DYNC2LI1: variants seen among roughly 807,000 people sequenced by gnomAD.
The protein encoded by DYNC2LI1 is dynein cytoplasmic 2 light intermediate chain 1.
Under a neutral mutation model 51.9 loss-of-function variants are expected in DYNC2LI1, and 45 were observed. The observed-to-expected ratio is 0.87, with a 90% CI of 0.68 to 1.11. DYNC2LI1 has a LOEUF of 1.11. Among genes scored for constraint, DYNC2LI1 ranks in the 50% most tolerant of loss-of-function variants. The pLI, the probability that DYNC2LI1 is intolerant of heterozygous loss-of-function variation, is 0.00. For synonymous variants in DYNC2LI1, 130 were observed against 137.8 expected, an observed-to-expected ratio of 0.94 and a Z score of 0.40; for missense variants, 490 against 417.4, an observed-to-expected ratio of 1.17 and a Z score of -1.51.
At position 43,795,283 on chromosome 2, in the gene DYNC2LI1, A is replaced by T. The variant is rs1021923682; in HGVS notation, c.508-607A>T. ...CACTTTGGGTGGCCGAGGCGGGCGG[A>T]TCACGACGTCAAGAGATCAAGACCA... is the stretch of plus-strand genomic sequence containing the variant. On this transcript the variant is annotated intron_variant, in intron 6 of 12. Transcript: ENST00000260605. 8 of 689,286 alleles carry T rather than the reference A, an allele frequency of 1.2e-5. No homozygotes were observed. The Admixed American group carries it at 4.9e-4, about 43-fold the overall frequency. 42.7% of individuals were successfully genotyped at this position (689,286 alleles called of 1,614,324 possible).
Position 43,787,230 on chromosome 2 carries a change from A to C in DYNC2LI1, c.211A>C (p.Arg71=), listed in dbSNP as rs1673566792. 1.2e-6 allele frequency: 2 copies of C among 1,613,256 alleles called. No individual in the cohort carries two copies. The highest frequency in any genetic ancestry group is 2.2e-5 in the South Asian group (2 of 91,034). Residue 71 remains arginine (R), a synonymous_variant, in exon 4 of 13, where the codon AGA becomes CGA. Transcript: ENST00000260605. ...TLALEYTYGR[R]AKGHNTPKDI... ...AGCTTTGGAATATACATATGGAAGA[A>C]GAGCAAAAGGGCACAACACAGTAAG...
At chr2:43,807,250 C>G (rs901389543) in intron 12 of DYNC2LI1, among the ~76,000 whole-genome samples, 5 of 152,116 alleles carry the variant, frequency 3.3e-5, no homozygotes, top group Non-Finnish European at 5.9e-5. Flanking sequence ...TTCCTGCAGA[C>G]TTAGGGTCTT....
At chr2:43,825,523 C>T in the DYNC2LI1 span, among the ~76,000 whole-genome samples, 1 of 152,160 alleles carries the variant, frequency 6.6e-6, no homozygotes, top group African/African-American at 2.4e-5. Context: ...CCTTTGAAGC[C>T]AACTTGGCTG....
At chr2:43,822,637 A>G in the DYNC2LI1 span, 1 of 983,648 alleles carries the variant, frequency 1.0e-6, no homozygotes, top group South Asian at 4.7e-5. Flanking sequence ...TTACAATAAA[A>G]TTAATGTCCT....
At chr2:43,817,898 C>T in the DYNC2LI1 span, among the ~76,000 whole-genome samples, 2 of 151,292 alleles carry the variant, frequency 1.3e-5, no homozygotes, top group East Asian at 2.0e-4. Flanking sequence ...TGACAGAGCG[C>T]GATTCCCTCT....
At chr2:43,810,080 AGT>A, downstream of DYNC2LI1, 1 of 603,918 alleles carries the variant, frequency 1.7e-6, no homozygotes, top group Non-Finnish European at 2.1e-6. Flanking sequence ...GGAATATAAA[AGT>A]AAGAGTATTT....
chr2:43,822,990 G>T, the DYNC2LI1 span: 1 of 1,604,256 alleles, frequency 6.2e-7, no homozygotes, highest in East Asian at 2.3e-5. Flanking sequence ...CTGAAAAAGG[G>T]AGGGCTAGCC....
At chr2:43,818,828 G>T in the DYNC2LI1 span, among the ~76,000 whole-genome samples, 1 of 151,998 alleles carries the variant, frequency 6.6e-6, no homozygotes, top group Non-Finnish European at 1.5e-5. Flanking sequence ...GATTATTTCC[G>T]TTCCTTCTCA....
chr2:43,801,336 T>G (rs2104708763), intron 9 of DYNC2LI1: 1 of 192,324 alleles, frequency 5.2e-6, no homozygotes, highest in Middle Eastern at 2.0e-3. Context: ...TACTATCACT[T>G]TCTTTTACTG....
At chr2:43,824,825 C>T in the DYNC2LI1 span, 3 of 1,595,396 alleles carry the variant, frequency 1.9e-6, no homozygotes, top group African/African-American at 2.7e-5. Context: ...GTCATCCAGG[C>T]AGAAGTCTGA....
chr2:43,824,988 C>G, the DYNC2LI1 span: 2 of 1,613,828 alleles, frequency 1.2e-6, no homozygotes, highest in Non-Finnish European at 1.7e-6. Context: ...ATCAGCTCTC[C>G]GAAGCTCAGG....
At chr2:43,828,088 G>A in the DYNC2LI1 span, 1 of 1,614,048 alleles carries the variant, frequency 6.2e-7, no homozygotes, top group Non-Finnish European at 8.5e-7. Flanking sequence ...ACATGGCTCA[G>A]ACTCAGCTCT....
chr2:43,799,729 C>T (rs989990447), intron 8 of DYNC2LI1, among the ~76,000 whole-genome samples: 1 of 152,136 alleles, frequency 6.6e-6, no homozygotes, highest in Non-Finnish European at 1.5e-5. Flanking sequence ...GTTCTCCCAG[C>T]CCTATCTTCT....
At chr2:43,814,669 T>A (rs575127146), downstream of DYNC2LI1, 40 of 833,280 alleles carry the variant, frequency 4.8e-5, no homozygotes, top group Non-Finnish European at 7.7e-5. Context: ...GCAATCCTTA[T>A]ATTTTCCAAC....
At position 43,775,539 on chromosome 2, in the gene DYNC2LI1, C is replaced by T. The variant is rs114009637; in HGVS notation, c.9-1243C>T. Among the ~76,000 whole-genome samples, 1,021 of 151,334 alleles carry T rather than the reference C, an allele frequency of 6.7e-3. 11 individuals carry two copies. Among genetic ancestry groups the T allele is most frequent in the African/African-American group, 0.023 (966 of 41,264 alleles). On this transcript the variant is annotated intron_variant, in intron 1 of 12. Coordinates refer to ENST00000260605, the MANE Select transcript of DYNC2LI1 (RefSeq NM_016008.4). The stretch of plus-strand genomic sequence containing the variant: ...GGGGAGACAAGGTCTTGCTGTGTCA[C>T]CCAGGCTGGAGTGCAGTGATGTCAA...
intron 12 of DYNC2LI1, among the ~76,000 whole-genome samples, chr2:43,808,574 A>G (rs1282192866): frequency 2.0e-5 from 3 of 152,176 alleles, no homozygotes; most frequent in South Asian, 2.1e-4. Flanking sequence ...TCCCTTTTAC[A>G]TGTCAGTTGC....
intron 1 of DYNC2LI1, among the ~76,000 whole-genome samples, chr2:43,775,500 T>G (rs1011647867): frequency 6.7e-6 from 1 of 149,494 alleles, no homozygotes; most frequent in African/African-American, 2.5e-5. Context: ...TTCTTTATGG[T>G]TTTTTTTTGG....
chr2:43,822,048 A>G, the DYNC2LI1 span, among the ~76,000 whole-genome samples: 2 of 151,974 alleles, frequency 1.3e-5, no homozygotes, highest in African/African-American at 2.4e-5. Flanking sequence ...ATGTTTTTTG[A>G]TGGTCTTATT....
chr2:43,795,760 C>G (rs1367790109), intron 6 of DYNC2LI1, 130 bp from the exon 7 acceptor site: 2 of 697,498 alleles, frequency 2.9e-6, no homozygotes, highest in African/African-American at 3.6e-5. Flanking sequence ...AGAACAAATT[C>G]TATGTCAAGC....
Sources: allele counts gnomAD v4.1 joint callset (sites outside exome capture counted in the v4.1 genomes callset), GRCh38; gene constraint gnomAD v4.1.1; transcripts MANE v1.5; gene names NCBI Gene and HGNC (gene_info 2026-07-23, HGNC 2026-07-21).